Variants in RTL9 observed in about 807,000 individuals in gnomAD.
RTL9 encodes the protein retrotransposon Gag like 9, also known as retrotransposon Gag-like protein 9.
A neutral mutation model predicts 44.7 loss-of-function variants in RTL9; 19 were observed. The ratio of observed to expected loss-of-function variants is 0.42; its 90% CI spans 0.30 to 0.62. The LOEUF is 0.62. RTL9 is among the 20% of genes least tolerant of loss of function. The pLI is 0.16. For synonymous variants in RTL9, 407 were observed against 398.9 expected, an observed-to-expected ratio of 1.02 and a Z score of -0.24; for missense variants, 1,105 against 1,080.6, an observed-to-expected ratio of 1.02 and a Z score of -0.32.
At chrX:110,380,636 A>C (rs943057169) in intron 1 of RTL9, among the ~76,000 whole-genome samples, 4 of 112,548 alleles carry the variant, frequency 3.6e-5, no homozygotes, top group African/African-American at 9.7e-5. Flanking sequence ...CAAATAGTCA[A>C]AGTAAACCTA....
chrX:110,387,858 T>TCTC (rs370206659), intron 1 of RTL9, among the ~76,000 whole-genome samples: 1 of 73,225 alleles, frequency 1.4e-5, no homozygotes, highest in African/African-American at 7.4e-5. Context: ...TCCCTCTCTC[T>TCTC]TTTTTTTTTT....
At chrX:110,373,000 A>T (rs1352356740) in intron 1 of RTL9, among the ~76,000 whole-genome samples, 1 of 112,411 alleles carries the variant, frequency 8.9e-6, no homozygotes, top group Non-Finnish European at 1.9e-5. Context: ...AATAATAACA[A>T]ATCTTATTTA....
At chrX:110,387,857 C>CTTTTT (rs57937918) in intron 1 of RTL9, among the ~76,000 whole-genome samples, 9 of 82,796 alleles carry the variant, frequency 1.1e-4, no homozygotes, top group African/African-American at 2.7e-4. Flanking sequence ...CTCCCTCTCT[C>CTTTTT]TTTTTTTTTT....
intron 1 of RTL9, among the ~76,000 whole-genome samples, chrX:110,374,531 C>G (rs775405044): frequency 1.1e-4 from 12 of 111,689 alleles, no homozygotes; most frequent in Non-Finnish European, 2.3e-4. Context: ...ATCCCCAGGA[C>G]TTTTTCAAAT....
At chrX:110,454,436 G>C in exon 1 of RTL9, 1 of 1,211,794 alleles carries the variant, frequency 8.3e-7, no homozygotes. Context: ...TACGGACCAG[G>C]TTTCTGGAAG....
chrX:110,373,830 A>G (rs1469059121), intron 1 of RTL9, among the ~76,000 whole-genome samples: 2 of 111,273 alleles, frequency 1.8e-5, no homozygotes, highest in African/African-American at 6.5e-5. Flanking sequence ...AATATAGAAA[A>G]TATGGGATGA....
At chrX:110,453,158 G>T (rs1009641474) in exon 1 of RTL9, 2 of 1,210,208 alleles carry the variant, frequency 1.7e-6, no homozygotes, top group Admixed American at 4.4e-5. Context: ...CAATGTCCAT[G>T]CCACTAACAA....
At chrX:110,437,722 G>A (rs1369071477) in intron 1 of RTL9, among the ~76,000 whole-genome samples, 1 of 111,277 alleles carries the variant, frequency 9.0e-6, no homozygotes, top group African/African-American at 3.3e-5. Context: ...GTGGGAAGGG[G>A]GTCTCAAAAG....
At chrX:110,376,075 A>G (rs1021731842) in intron 1 of RTL9, among the ~76,000 whole-genome samples, 1 of 111,714 alleles carries the variant, frequency 9.0e-6, no homozygotes. Context: ...ACTTGCTTTT[A>G]AAACCATGGT....
intron 1 of RTL9, among the ~76,000 whole-genome samples, chrX:110,391,616 TTC>T (rs2068494104): frequency 8.9e-6 from 1 of 112,236 alleles, no homozygotes; most frequent in African/African-American, 3.2e-5. Flanking sequence ...TGCTGTAATT[TTC>T]TCTTTGTCCC....
At chrX:110,425,979 C>T (rs758012130) in intron 1 of RTL9, among the ~76,000 whole-genome samples, 10 of 110,295 alleles carry the variant, frequency 9.1e-5, no homozygotes, top group South Asian at 7.5e-4. Context: ...CGTGCGTGCG[C>T]GCACACACAC....
At chrX:110,371,393 C>T (rs748790653) in intron 1 of RTL9, among the ~76,000 whole-genome samples, 30 of 111,727 alleles carry the variant, frequency 2.7e-4, no homozygotes, top group Admixed American at 8.5e-4. Flanking sequence ...CTCACTGAGT[C>T]GCAAACAATC....
intron 1 of RTL9, among the ~76,000 whole-genome samples, chrX:110,378,360 G>T (rs1288661629): frequency 9.0e-6 from 1 of 110,992 alleles, no homozygotes; most frequent in Non-Finnish European, 1.9e-5. Flanking sequence ...TGACTGTTGC[G>T]ATAGCCTCCT....
chrX:110,442,247 CTGTGTGTGTGTGTG>C lies in RTL9; in HGVS notation c.-167-2878_-167-2865del, dbSNP rs908737506. On this transcript the variant is annotated intron_variant, in intron 1 of 3. Coordinates refer to the RTL9 transcript ENST00000465301. The stretch of plus-strand genomic sequence containing the variant: ...TCTCTCTCTCTCTCTCTCTCTCTCT[CTGTGTGTGTGTGTG>C]TGTGTGTGTGTGTGTGTGTGTGTGT... Among the ~76,000 whole-genome samples, 35 of 97,037 alleles carry C rather than the reference CTGTGTGTGTGTGTG, an allele frequency of 3.6e-4. No individual in the cohort carries two copies. The East Asian group carries it at 6.9e-3, about 19-fold the overall frequency. 84.3% of individuals were successfully genotyped at this position (97,037 alleles called of 115,157 possible).
chrX:110,425,619 T>A (rs925126372), intron 1 of RTL9, among the ~76,000 whole-genome samples: 2 of 112,911 alleles, frequency 1.8e-5, no homozygotes, highest in African/African-American at 6.4e-5. Flanking sequence ...AGTGAGTACT[T>A]ACTATGGGCC....
At chrX:110,453,871 C>T (rs1197172781) in exon 1 of RTL9, 1 of 1,212,016 alleles carries the variant, frequency 8.3e-7, no homozygotes, top group Admixed American at 2.2e-5. Context: ...ATGTCCACAC[C>T]ACAGACAGCC....
intron 1 of RTL9, among the ~76,000 whole-genome samples, chrX:110,397,247 C>T (rs144791140): frequency 0.011 from 1,199 of 111,547 alleles, 10 homozygotes; most frequent in Middle Eastern, 0.023. Flanking sequence ...CCTGATATCC[C>T]ACCCACATTT....
intron 1 of RTL9, among the ~76,000 whole-genome samples, chrX:110,375,337 C>T (rs1157096167): frequency 9.0e-6 from 1 of 111,676 alleles, no homozygotes; most frequent in Non-Finnish European, 1.9e-5. Flanking sequence ...AACTTTAGTT[C>T]TAGTCTCAGC....
chrX:110,405,760 T>C (rs971133021), intron 1 of RTL9, among the ~76,000 whole-genome samples: 12 of 111,470 alleles, frequency 1.1e-4, no homozygotes, highest in African/African-American at 3.9e-4. Context: ...CCAAAGAAGT[T>C]AGACAACCTG....
Sources: allele counts gnomAD v4.1 joint callset (sites outside exome capture counted in the v4.1 genomes callset), GRCh38; gene constraint gnomAD v4.1.1; transcripts MANE v1.5; gene names NCBI Gene and HGNC (gene_info 2026-07-23, HGNC 2026-07-21).